IRAK1BP1: variants seen among roughly 807,000 people sequenced by gnomAD.
IRAK1BP1 encodes the protein interleukin 1 receptor associated kinase 1 binding protein 1.
A neutral mutation model predicts 28.0 loss-of-function variants in IRAK1BP1; 24 were observed. The observed-to-expected ratio is 0.86, with a 90% CI of 0.62 to 1.20. The LOEUF (loss-of-function observed/expected upper bound fraction) is 1.20, where lower values mean the gene tolerates loss of function less well. Ranked by LOEUF, IRAK1BP1 falls within the 50% of genes most tolerant of loss-of-function variation. The pLI is 0.00. For missense variants in IRAK1BP1, 336 were observed against 316.7 expected (o/e 1.06, Z -0.46); for synonymous variants, 131 against 116.3 (o/e 1.13, Z -0.81).
chr6:78,907,752 C>T (rs1772295853), downstream of IRAK1BP1, among the ~76,000 whole-genome samples: 1 of 151,984 alleles, frequency 6.6e-6, no homozygotes, highest in Non-Finnish European at 1.5e-5. Context: ...CAGAGTCTCA[C>T]TCTGTCACCC....
At chr6:78,971,978 C>A in the IRAK1BP1 span, among the ~76,000 whole-genome samples, 2 of 152,162 alleles carry the variant, frequency 1.3e-5, no homozygotes, top group African/African-American at 4.8e-5. Flanking sequence ...CCCAGGCTTG[C>A]TTAGGTAAAC....
the IRAK1BP1 span, among the ~76,000 whole-genome samples, chr6:78,975,519 GC>G: frequency 6.6e-6 from 1 of 152,140 alleles, no homozygotes; most frequent in East Asian, 1.9e-4. Flanking sequence ...GGAAGTTCTG[GC>G]CAGGGCAATT....
chr6:78,888,468 A>G (rs1478213254), intron 2 of IRAK1BP1, among the ~76,000 whole-genome samples: 2 of 151,786 alleles, frequency 1.3e-5, no homozygotes, highest in Admixed American at 1.3e-4. Flanking sequence ...CAAATTGTAT[A>G]TTCTAAATAT....
chr6:78,918,914 C>A (rs961779136), intron 4 of IRAK1BP1, among the ~76,000 whole-genome samples: 4 of 152,160 alleles, frequency 2.6e-5, no homozygotes, highest in Non-Finnish European at 5.9e-5. Flanking sequence ...TTCTCATCTG[C>A]AAATGAAGCA....
chr6:78,879,014 G>A (rs1431948430), intron 1 of IRAK1BP1, among the ~76,000 whole-genome samples: 2 of 152,126 alleles, frequency 1.3e-5, no homozygotes, highest in East Asian at 1.9e-4. Context: ...CCAAATCTAC[G>A]TCTGATTGGT....
chr6:78,937,371 A>G (rs562702498), intron 4 of IRAK1BP1: 3 of 151,748 alleles, frequency 2.0e-5, no homozygotes, highest in Non-Finnish European at 1.5e-5. Context: ...CTGCTAACAT[A>G]TAAGATAAAA....
intron 4 of IRAK1BP1, among the ~76,000 whole-genome samples, chr6:78,922,680 C>T (rs926551298): frequency 1.4e-4 from 21 of 152,154 alleles, no homozygotes; most frequent in African/African-American, 4.8e-4. Flanking sequence ...AGAGAAAGGT[C>T]GGGTTACCTT....
downstream of IRAK1BP1, among the ~76,000 whole-genome samples, chr6:78,949,214 C>T (rs1369770349): frequency 6.6e-6 from 1 of 152,122 alleles, no homozygotes; most frequent in Non-Finnish European, 1.5e-5. Context: ...TGTCTCACTT[C>T]TTCAGATTCT....
intron 4 of IRAK1BP1, among the ~76,000 whole-genome samples, chr6:78,910,580 A>T (rs1159627113): frequency 6.6e-6 from 1 of 152,374 alleles, no homozygotes; most frequent in East Asian, 1.9e-4. Context: ...AAGGAAATGG[A>T]CTAGGTCGTA....
At chr6:78,965,868 T>G in the IRAK1BP1 span, 1 of 1,202,526 alleles carries the variant, frequency 8.3e-7, no homozygotes, top group Non-Finnish European at 1.2e-6. Flanking sequence ...AAAAGAAGTC[T>G]CTTTATCTCT....
intron 1 of IRAK1BP1, among the ~76,000 whole-genome samples, chr6:78,876,702 T>C (rs1011561128): frequency 6.6e-6 from 1 of 152,152 alleles, no homozygotes; most frequent in Non-Finnish European, 1.5e-5. Context: ...GTTCAAGTTT[T>C]AAAACTGGCA....
At chr6:78,892,691 A>G (rs1440696331) in intron 2 of IRAK1BP1, among the ~76,000 whole-genome samples, 2 of 152,204 alleles carry the variant, frequency 1.3e-5, no homozygotes, top group Admixed American at 1.3e-4. Context: ...TGTAGTTCAC[A>G]TGCTCAAAAG....
chr6:78,974,418 T>A, the IRAK1BP1 span, among the ~76,000 whole-genome samples: 88 of 150,550 alleles, frequency 5.8e-4, 1 homozygote, highest in South Asian at 7.0e-3. Flanking sequence ...CCCACAAGAG[T>A]AAGCAGGAAA....
intron 2 of IRAK1BP1, among the ~76,000 whole-genome samples, chr6:78,890,305 G>T (rs1350967411): frequency 6.6e-6 from 1 of 151,696 alleles, no homozygotes; most frequent in Non-Finnish European, 1.5e-5. Context: ...AGCATTAGGA[G>T]AAATACCTAA....
chr6:78,942,495 A>C (rs147280011), intron 4 of IRAK1BP1, among the ~76,000 whole-genome samples: 244 of 152,276 alleles, frequency 1.6e-3, no homozygotes, highest in African/African-American at 5.5e-3. Flanking sequence ...AAAACAAAAC[A>C]AAACAAAACA....
At chr6:78,974,976 C>T in the IRAK1BP1 span, among the ~76,000 whole-genome samples, 251 of 151,680 alleles carry the variant, frequency 1.7e-3, 1 homozygote, top group Middle Eastern at 3.4e-3. Context: ...CCTTCTGAAA[C>T]TATTCCAATC....
intron 4 of IRAK1BP1, among the ~76,000 whole-genome samples, chr6:78,931,620 A>G (rs772318383): frequency 2.0e-5 from 3 of 152,202 alleles, no homozygotes; most frequent in African/African-American, 2.4e-5. Flanking sequence ...TGTTTGTACC[A>G]TACTGTTAGT....
rs546195702 is a variant in IRAK1BP1, at chr6:78,913,177, T to TA, written c.*67+10075dup. ...GGTGAAACCCCATCTCTACTAAAAA[T>TA]AAAAAAAATTAGCCAGGCGTGGTGG... On this transcript the variant is annotated intron_variant and NMD_transcript_variant, in intron 4 of 4. Coordinates refer to the IRAK1BP1 transcript ENST00000606868. Among the ~76,000 whole-genome samples the TA allele has an allele frequency of 5.7e-3, 861 of 150,442 alleles. 6 individuals carry two copies. Among genetic ancestry groups the TA allele is most frequent in the African/African-American group, 0.02 (832 of 40,850 alleles).
At chr6:78,921,378 G>T (rs552848858) in intron 4 of IRAK1BP1, among the ~76,000 whole-genome samples, 2 of 152,238 alleles carry the variant, frequency 1.3e-5, no homozygotes, top group Admixed American at 6.5e-5. Context: ...GGCTGGGGGA[G>T]GGGCGCCCAT....
Sources: gnomAD v4.1 joint callset for allele counts (sites outside exome capture counted in the v4.1 genomes callset) on GRCh38, gnomAD v4.1.1 for gene constraint, MANE v1.5 for transcripts, NCBI Gene and HGNC (gene_info 2026-07-23, HGNC 2026-07-21) for gene names.